Variants in CPQ observed in about 807,000 individuals in gnomAD.
CPQ encodes Ser-Met dipeptidase.
Under a neutral mutation model 45.7 loss-of-function variants are expected in CPQ, and 37 were observed. The ratio of observed to expected loss-of-function variants is 0.81; its 90% confidence interval spans 0.62 to 1.07. CPQ has a LOEUF of 1.07. Ranked by LOEUF, CPQ falls within the 50% of genes least tolerant of loss-of-function variation. The pLI, the probability that CPQ is intolerant of heterozygous loss-of-function variation, is 0.00. For missense variants in CPQ, 537 were observed against 572.9 expected (o/e 0.94, Z 0.64); for synonymous variants, 186 against 205.8 (o/e 0.90, Z 0.82).
At chr8:97,028,807 A>C (rs1809845372) in intron 5 of CPQ, among the ~76,000 whole-genome samples, 2 of 152,208 alleles carry the variant, frequency 1.3e-5, no homozygotes, top group Admixed American at 1.3e-4. Flanking sequence ...TGTCATCCTC[A>C]TTCAATTAAT....
At chr8:96,792,246 A>G (rs1295746821) in intron 2 of CPQ, among the ~76,000 whole-genome samples, 1 of 152,202 alleles carries the variant, frequency 6.6e-6, no homozygotes, top group African/African-American at 2.4e-5. Context: ...ACAATCTCCA[A>G]TCAGTCCTGA....
chr8:97,096,432 C>T (rs1013650362), intron 7 of CPQ, among the ~76,000 whole-genome samples: 1 of 152,174 alleles, frequency 6.6e-6, no homozygotes, highest in Admixed American at 6.5e-5. Context: ...CTTCTTTGAA[C>T]TTTATCTCCT....
intron 7 of CPQ, among the ~76,000 whole-genome samples, chr8:97,095,685 T>G (rs1811199906): frequency 6.6e-6 from 1 of 152,226 alleles, no homozygotes; most frequent in South Asian, 2.1e-4. Context: ...CCAAATTATT[T>G]CACAATTCCT....
chr8:96,995,891 G>A (rs1168909096), intron 5 of CPQ, among the ~76,000 whole-genome samples: 1 of 151,904 alleles, frequency 6.6e-6, no homozygotes, highest in Non-Finnish European at 1.5e-5. Context: ...CTTTCTAGAT[G>A]GTAGCTGAAG....
intron 1 of CPQ, among the ~76,000 whole-genome samples, chr8:96,711,140 C>A (rs1809603149): frequency 6.6e-6 from 1 of 152,042 alleles, no homozygotes; most frequent in Non-Finnish European, 1.5e-5. Flanking sequence ...ATCAGAATAG[C>A]TACTCCTGCT....
At chr8:96,775,690 G>A (rs2130801385) in intron 1 of CPQ, among the ~76,000 whole-genome samples, 1 of 152,318 alleles carries the variant, frequency 6.6e-6, no homozygotes. Flanking sequence ...CAAGGCCAAG[G>A]TAATAGGTTT....
intron 5 of CPQ, among the ~76,000 whole-genome samples, chr8:96,991,153 C>A (rs1019433812): frequency 2.6e-5 from 4 of 152,128 alleles, no homozygotes; most frequent in Admixed American, 6.5e-5. Context: ...GTATAAAGAC[C>A]CAGGTTTGAG....
intron 7 of CPQ, among the ~76,000 whole-genome samples, chr8:97,119,794 T>C (rs1811667199): frequency 6.6e-6 from 1 of 152,194 alleles, no homozygotes; most frequent in Non-Finnish European, 1.5e-5. Flanking sequence ...TAATTGTTTC[T>C]TTATCCCTTT....
At chr8:96,988,297 C>T (rs972916049) in intron 5 of CPQ, among the ~76,000 whole-genome samples, 2 of 152,072 alleles carry the variant, frequency 1.3e-5, no homozygotes, top group Non-Finnish European at 2.9e-5. Flanking sequence ...AATCGTATGC[C>T]TACTAATTTA....
chr8:97,049,559 G>A (rs1401468245), intron 6 of CPQ, among the ~76,000 whole-genome samples: 1 of 152,218 alleles, frequency 6.6e-6, no homozygotes, highest in African/African-American at 2.4e-5. Flanking sequence ...AGAGCTTGAG[G>A]AAGGGGAGTG....
chr8:97,121,282 A>T (rs1811697873), intron 7 of CPQ, among the ~76,000 whole-genome samples: 1 of 152,238 alleles, frequency 6.6e-6, no homozygotes, highest in Non-Finnish European at 1.5e-5. Context: ...AAAATGAAAG[A>T]AAAAAGGAAA....
chr8:96,668,861 A>G (rs570865662), intron 1 of CPQ, among the ~76,000 whole-genome samples: 1 of 151,426 alleles, frequency 6.6e-6, no homozygotes, highest in Non-Finnish European at 1.5e-5. Flanking sequence ...GGAGATGCCA[A>G]TGGTGCAGAC....
At chr8:96,908,291 A>G (rs868684266) in intron 4 of CPQ, among the ~76,000 whole-genome samples, 11 of 152,310 alleles carry the variant, frequency 7.2e-5, no homozygotes, top group Middle Eastern at 6.8e-3. Context: ...AGTACTATTC[A>G]TAACAGAAAG....
chr8:97,047,642 A>T (rs1268411722), intron 6 of CPQ, among the ~76,000 whole-genome samples: 2 of 152,296 alleles, frequency 1.3e-5, no homozygotes, highest in Admixed American at 6.5e-5. Context: ...AATGAGTTTT[A>T]AAAAAATAAC....
chr8:96,756,275 T>C (rs1810325861), intron 1 of CPQ, among the ~76,000 whole-genome samples: 1 of 152,100 alleles, frequency 6.6e-6, no homozygotes, highest in Admixed American at 6.6e-5. Context: ...TAAACATTTT[T>C]TGGACTCTTG....
intron 6 of CPQ, among the ~76,000 whole-genome samples, chr8:97,052,642 CATCTTT>C (rs1810382386): frequency 6.6e-6 from 1 of 152,124 alleles, no homozygotes; most frequent in Non-Finnish European, 1.5e-5. Flanking sequence ...ATGGGAGTCT[CATCTTT>C]GATAGCAAAA....
chr8:96,823,948 A>G (rs915642798), intron 2 of CPQ, among the ~76,000 whole-genome samples: 1 of 152,100 alleles, frequency 6.6e-6, no homozygotes, highest in Non-Finnish European at 1.5e-5. Flanking sequence ...GGAAAGATTA[A>G]AATATACATT....
At chr8:96,924,786 A>G (rs1347735438) in intron 4 of CPQ, among the ~76,000 whole-genome samples, 1 of 152,228 alleles carries the variant, frequency 6.6e-6, no homozygotes, top group Non-Finnish European at 1.5e-5. Context: ...CCATTGAATT[A>G]ATTGAAATAT....
intron 5 of CPQ, among the ~76,000 whole-genome samples, chr8:96,981,403 C>G (rs188787852): frequency 1.1e-3 from 175 of 152,258 alleles, no homozygotes; most frequent in African/African-American, 4.0e-3. Flanking sequence ...TATTTCTGTT[C>G]TCATCGCCAA....
Sources: allele counts gnomAD v4.1 joint callset (sites outside exome capture counted in the v4.1 genomes callset), GRCh38; gene constraint gnomAD v4.1.1; transcripts MANE v1.5; gene names NCBI Gene and HGNC (gene_info 2026-07-23, HGNC 2026-07-21).